KALRN: variants seen among roughly 807,000 people sequenced by gnomAD.
The protein encoded by KALRN is kalirin RhoGEF kinase.
In KALRN, 70 loss-of-function variants were observed where a neutral mutation model predicts 353.7. The observed-to-expected ratio is 0.20, with a 90% CI of 0.16 to 0.24. KALRN has a LOEUF of 0.24. KALRN is among the 10% of genes least tolerant of loss of function. The pLI is 1.00. For synonymous variants in KALRN, 1,391 were observed against 1,434.8 expected (o/e 0.97, Z 0.69); for missense variants, 2,791 against 3,756.7 (o/e 0.74, Z 6.72).
At chr3:124,058,395 T>A (rs181575726) in intron 1 of KALRN, among the ~76,000 whole-genome samples, 1 of 152,300 alleles carries the variant, frequency 6.6e-6, no homozygotes, top group Non-Finnish European at 1.5e-5. Context: ...TGGGATGAGT[T>A]CACTCATTTT....
chr3:124,507,362 A>G (rs951360715), intron 33 of KALRN, among the ~76,000 whole-genome samples: 1 of 152,192 alleles, frequency 6.6e-6, no homozygotes, highest in Admixed American at 6.5e-5. Context: ...TGACATTTAA[A>G]TTTAAGACAA....
chr3:124,382,885 G>A (rs573003785), intron 10 of KALRN, among the ~76,000 whole-genome samples: 5 of 152,008 alleles, frequency 3.3e-5, no homozygotes, highest in African/African-American at 1.2e-4. Context: ...CATTCCCCTT[G>A]TCTCCCTGCA....
intron 13 of KALRN, among the ~76,000 whole-genome samples, chr3:124,404,621 G>T (rs9861716): frequency 0.042 from 6,175 of 148,236 alleles, 267 homozygotes; most frequent in East Asian, 0.091. Flanking sequence ...TTCAATGTCA[G>T]CTTTTATATT....
chr3:124,685,479 G>A (rs1234394529), intron 51 of KALRN, among the ~76,000 whole-genome samples: 1 of 152,236 alleles, frequency 6.6e-6, no homozygotes, highest in Non-Finnish European at 1.5e-5. Flanking sequence ...AAAAGAGCAA[G>A]TCTTGATGGT....
chr3:124,629,792 C>G (rs2080536316), intron 34 of KALRN, among the ~76,000 whole-genome samples: 1 of 92,632 alleles, frequency 1.1e-5, no homozygotes, highest in Non-Finnish European at 2.2e-5. Flanking sequence ...CTTGCTTTTT[C>G]ATTTTTTCTC....
chr3:124,103,390 G>C (rs1372444452), intron 1 of KALRN, among the ~76,000 whole-genome samples: 2 of 152,172 alleles, frequency 1.3e-5, no homozygotes, highest in African/African-American at 4.8e-5. Flanking sequence ...CTCAGTGGTT[G>C]CTGAGAACCA....
At chr3:124,329,120 T>C (rs1211126628) in intron 7 of KALRN, among the ~76,000 whole-genome samples, 1 of 152,238 alleles carries the variant, frequency 6.6e-6, no homozygotes, top group East Asian at 1.9e-4. Context: ...ACCCAATAAA[T>C]CTGAGTGATT....
chr3:124,706,072 A>G (rs2062599044), intron 57 of KALRN, among the ~76,000 whole-genome samples: 1 of 152,060 alleles, frequency 6.6e-6, no homozygotes, highest in Non-Finnish European at 1.5e-5. Context: ...ATGCCCAGCT[A>G]ACTTTTTAAT....
chr3:124,555,433 A>ATAAAT (rs1275984301), intron 33 of KALRN, among the ~76,000 whole-genome samples: 1 of 147,830 alleles, frequency 6.8e-6, no homozygotes, highest in East Asian at 1.9e-4. Flanking sequence ...AAATAAATAA[A>ATAAAT]TAAATAAATA....
intron 1 of KALRN, among the ~76,000 whole-genome samples, chr3:124,220,065 C>T (rs2077723202): frequency 6.6e-6 from 1 of 152,034 alleles, no homozygotes; most frequent in African/African-American, 2.4e-5. Flanking sequence ...CTGCCTCAGC[C>T]TCCCGAGTAG....
At chr3:124,611,236 G>C (rs193086675) in intron 34 of KALRN, among the ~76,000 whole-genome samples, 6 of 152,228 alleles carry the variant, frequency 3.9e-5, no homozygotes, top group African/African-American at 1.4e-4. Context: ...GGACCGCCTA[G>C]GTAGAGAGAG....
chr3:124,135,725 A>G (rs1167086441), intron 1 of KALRN, among the ~76,000 whole-genome samples: 1 of 151,812 alleles, frequency 6.6e-6, no homozygotes, highest in Non-Finnish European at 1.5e-5. Context: ...ACAGTCATGA[A>G]GTTTTCTTTC....
rs762536135 is a variant in KALRN at position 124,674,597 on chromosome 3, T to C, written c.7176T>C (p.Ser2392=). 8 of 1,595,552 alleles carry C rather than the reference T, an allele frequency of 5.0e-6. No homozygotes were observed. Among genetic ancestry groups the C allele is most frequent in the South Asian group, 1.1e-5 (1 of 88,716 alleles). The part of the protein sequence containing the change: ...APLTKATAAE[S]SDGSIKKSCS... ...TCACCAAAGCCACAGCAGCAGAAAG[T>C]AGTGACGGGAGCATCAAGTAAGTGC... is the stretch of plus-strand genomic sequence containing the variant. The change falls in exon 49 of 60, where the codon AGT becomes AGC. Residue 2392 remains serine (S), a synonymous_variant. Coordinates refer to ENST00000682506, the MANE Select transcript of KALRN (RefSeq NM_001388419.1).
chr3:124,572,014 T>C (rs988548380), intron 34 of KALRN, among the ~76,000 whole-genome samples: 4 of 151,934 alleles, frequency 2.6e-5, no homozygotes, highest in African/African-American at 9.7e-5. Context: ...GCATGAAATC[T>C]CCATTTTTGT....
chr3:124,325,909 T>G (rs2079856365), intron 6 of KALRN, 71 bp from the exon 7 acceptor site: 1 of 1,318,904 alleles, frequency 7.6e-7, no homozygotes, highest in African/African-American at 1.4e-5. Flanking sequence ...TCCCCAAATA[T>G]GTACCCCACG....
chr3:124,093,297 C>T (rs921176380), intron 1 of KALRN, among the ~76,000 whole-genome samples: 1 of 152,180 alleles, frequency 6.6e-6, no homozygotes, highest in Non-Finnish European at 1.5e-5. Flanking sequence ...ACCAGGAGGC[C>T]TGGGAGACCA....
At chr3:124,433,596 T>TAAAAA (rs144487793) in intron 16 of KALRN, among the ~76,000 whole-genome samples, 46 of 94,816 alleles carry the variant, frequency 4.9e-4, no homozygotes, top group East Asian at 1.1e-3. Flanking sequence ...AGACCCTGTC[T>TAAAAA]AAAAAAAAAA....
At chr3:124,364,459 G>A (rs1158845917) in intron 10 of KALRN, among the ~76,000 whole-genome samples, 2 of 152,206 alleles carry the variant, frequency 1.3e-5, no homozygotes, top group Admixed American at 6.5e-5. Flanking sequence ...TCTCTGCTCT[G>A]AGGAAATGTT....
At chr3:124,440,372 A>C (rs2093628720) in intron 18 of KALRN, among the ~76,000 whole-genome samples, 2 of 152,150 alleles carry the variant, frequency 1.3e-5, no homozygotes, top group Non-Finnish European at 2.9e-5. Flanking sequence ...CATAGTGAGA[A>C]GCTCCCTGTC....
Sources: allele counts gnomAD v4.1 joint callset (sites outside exome capture counted in the v4.1 genomes callset), GRCh38; gene constraint gnomAD v4.1.1; transcripts MANE v1.5; gene names NCBI Gene and HGNC (gene_info 2026-07-23, HGNC 2026-07-21).